MBP: variants seen among roughly 807,000 people sequenced by gnomAD.
The protein encoded by MBP is Golli-MBP.
A neutral mutation model predicts 35.8 loss-of-function variants in MBP; 16 were observed. The observed-to-expected ratio is 0.45, with a 90% confidence interval of 0.30 to 0.68. The LOEUF is 0.68. Ranked by LOEUF, MBP falls within the 30% of genes least tolerant of loss-of-function variation. MBP has a pLI of 0.08. For missense variants in MBP, 380 were observed against 404.7 expected (o/e 0.94, Z 0.52); for synonymous variants, 143 against 159.6 (o/e 0.90, Z 0.78).
intron 7 of MBP, chr18:76,985,365 TC>T: frequency 7.9e-7 from 1 of 1,270,850 alleles, no homozygotes; most frequent in Non-Finnish European, 1.0e-6. Flanking sequence ...TGCTGGGGGC[TC>T]CTTTTGCTGA....
intron 3 of MBP, among the ~76,000 whole-genome samples, chr18:77,030,335 G>C (rs1273118764): frequency 6.6e-6 from 1 of 152,196 alleles, no homozygotes; most frequent in Non-Finnish European, 1.5e-5. Context: ...TAGGGACTCT[G>C]TGTGGAAAGA....
chr18:77,035,821 A>G (rs1469011409), intron 3 of MBP, among the ~76,000 whole-genome samples: 1 of 152,128 alleles, frequency 6.6e-6, no homozygotes, highest in Non-Finnish European at 1.5e-5. Flanking sequence ...GCCAGGAAAG[A>G]CTCTCCTGCA....
intron 3 of MBP, among the ~76,000 whole-genome samples, chr18:77,049,405 C>A (rs956098185): frequency 8.5e-5 from 13 of 152,286 alleles, no homozygotes; most frequent in African/African-American, 3.1e-4. Flanking sequence ...CTCTTTCACA[C>A]CCTAATTTAT....
At chr18:77,023,356 T>C (rs1972067092) in intron 3 of MBP, among the ~76,000 whole-genome samples, 1 of 152,230 alleles carries the variant, frequency 6.6e-6, no homozygotes, top group African/African-American at 2.4e-5. Context: ...CTGCTTCCAG[T>C]GGCTCATCCC....
chr18:76,985,957 A>G, intron 7 of MBP: 1 of 985,792 alleles, frequency 1.0e-6, no homozygotes, highest in Non-Finnish European at 1.2e-6. Context: ...CCTGACACAC[A>G]TGGGTGCGAG....
intron 4 of MBP, chr18:77,013,967 TAGAG>T (rs920995713): frequency 8.1e-6 from 8 of 985,278 alleles, no homozygotes; most frequent in Non-Finnish European, 9.6e-6. Context: ...AGAGGTCACT[TAGAG>T]AGAAGCTGCC....
At chr18:77,113,003 G>A (rs1976524389) in intron 1 of MBP, 1 of 152,022 alleles carries the variant, frequency 6.6e-6, no homozygotes, top group Non-Finnish European at 1.5e-5. Flanking sequence ...GCGATGGTGC[G>A]ATCTCAGCTC....
At chr18:77,053,846 G>A (rs1334562850) in intron 3 of MBP, among the ~76,000 whole-genome samples, 2 of 152,362 alleles carry the variant, frequency 1.3e-5, no homozygotes, top group East Asian at 3.9e-4. Flanking sequence ...ATATCTCAGC[G>A]AACAAAACAG....
At position 77,104,069 on chromosome 18, in the gene MBP, C is replaced by G. The variant is rs554873202; in HGVS notation, c.51+1142G>C. Among the ~76,000 whole-genome samples, 6 of 152,344 alleles carry G rather than the reference C, an allele frequency of 3.9e-5. No homozygotes were observed. The South Asian group carries it at 1.2e-3, about 32-fold the overall frequency. On this transcript the variant is annotated intron_variant, in intron 2 of 8. Transcript: ENST00000355994. ...CGAATGGGCTGTAGAGGAGCCGCCA[C>G]TGGAAAGTCCAGTGACAGTGAGACT... is the stretch of plus-strand genomic sequence containing the variant.
chr18:77,008,571 C>G (rs1971134934), intron 4 of MBP, among the ~76,000 whole-genome samples: 1 of 152,200 alleles, frequency 6.6e-6, no homozygotes, highest in Admixed American at 6.5e-5. Flanking sequence ...TTCTCCCCAG[C>G]CGCAGCCGCC....
intron 3 of MBP, among the ~76,000 whole-genome samples, chr18:77,026,856 A>AC (rs1325970172): frequency 1.3e-5 from 2 of 152,094 alleles, no homozygotes; most frequent in Admixed American, 6.5e-5. Flanking sequence ...ACAGAGCAAG[A>AC]CCCCGTCTCT....
chr18:76,988,411 C>A lies in MBP; in HGVS notation c.750+84G>T, dbSNP rs1969689757. On this transcript the variant is annotated intron_variant, in intron 7 of 8. Coordinates refer to ENST00000355994, the MANE Select transcript of MBP (RefSeq NM_001025101.2). The surrounding 1 kb of genome is among the most constrained non-coding windows in gnomAD (Gnocchi z 5.2). ...AGAGAAAAGGAGGCCAGGAAGCAAC[C>A]GAAACAGAGCAGAACACAAAAGTTG... The A allele has an allele frequency of 6.2e-7, 1 of 1,613,906 alleles. No homozygotes were observed. The highest frequency in any genetic ancestry group is 1.3e-5 in the African/African-American group (1 of 74,892).
intron 4 of MBP, chr18:77,014,192 T>C: frequency 1.0e-6 from 1 of 985,510 alleles, no homozygotes; most frequent in African/African-American, 1.7e-5. Context: ...TGCACTTTTC[T>C]TGAATGTCAG....
At chr18:77,066,137 C>T (rs528683705) in intron 3 of MBP, 161 bp downstream of exon 3, 2 of 627,602 alleles carry the variant, frequency 3.2e-6, no homozygotes, top group African/African-American at 1.8e-5. Flanking sequence ...TGTGCGATTA[C>T]AGACATGAAG....
intron 2 of MBP, 68 bp from the exon 3 acceptor site, chr18:77,066,453 T>A (rs1358919663): frequency 1.0e-6 from 1 of 971,150 alleles, no homozygotes; most frequent in African/African-American, 1.6e-5. Context: ...ATAATTGTAA[T>A]GCATTTGTCT....
intron 1 of MBP, among the ~76,000 whole-genome samples, chr18:77,121,942 TTTG>T (rs1482236852): frequency 1.3e-5 from 2 of 152,316 alleles, no homozygotes; most frequent in African/African-American, 2.4e-5. Flanking sequence ...TGTGAGAGTC[TTTG>T]TTGTTGTTGT....
chr18:77,036,308 G>A (rs1322945425), intron 3 of MBP, among the ~76,000 whole-genome samples: 3 of 121,796 alleles, frequency 2.5e-5, no homozygotes, highest in Non-Finnish European at 5.0e-5. Flanking sequence ...TTGGAGGACT[G>A]AGCTGAGCAA....
At chr18:76,991,629 CT>C (rs940174051) in intron 4 of MBP, among the ~76,000 whole-genome samples, 4 of 152,300 alleles carry the variant, frequency 2.6e-5, no homozygotes, top group Middle Eastern at 3.4e-3. Flanking sequence ...CGCTTTCTCA[CT>C]GCTGCTCCCA....
At chr18:77,037,803 G>T (rs1972838211) in intron 3 of MBP, among the ~76,000 whole-genome samples, 2 of 152,316 alleles carry the variant, frequency 1.3e-5, no homozygotes, top group South Asian at 4.1e-4. Flanking sequence ...GGTACCAAGT[G>T]CTGGTGACAG....
Sources: allele counts gnomAD v4.1 joint callset (sites outside exome capture counted in the v4.1 genomes callset), GRCh38; gene constraint gnomAD v4.1.1; non-coding constraint Gnocchi (gnomAD v3.1); transcripts MANE v1.5; gene names NCBI Gene and HGNC (gene_info 2026-07-23, HGNC 2026-07-21).